The following MUC3A variants were observed in gnomAD, a reference collection of about 807,000 sequenced individuals.
MUC3A encodes mucin 3A, cell surface associated.
A neutral mutation model predicts 109.0 loss-of-function variants in MUC3A; 109 were observed. The observed-to-expected ratio is 1.00, with a 90% CI of 0.86 to 1.17. The LOEUF (loss-of-function observed/expected upper bound fraction) is 1.17, where lower values mean the gene tolerates loss of function less well. Ranked by LOEUF, MUC3A falls within the 50% of genes most tolerant of loss-of-function variation. The pLI is 0.00. For synonymous variants in MUC3A, 1,398 were observed against 981.4 expected (o/e 1.42, Z -7.93); for missense variants, 3,537 against 2,469.4 (o/e 1.43, Z -9.16).
At chr7:100,964,218 C>T (rs1449730633) in intron 5 of MUC3A, 7 of 218,054 alleles carry the variant, frequency 3.2e-5, no homozygotes, top group Non-Finnish European at 5.5e-5. Context: ...GGGTGGATCA[C>T]CTGAAAGCAG....
At position 100,954,286 on chromosome 7, in the gene MUC3A, C is replaced by T. The variant is rs977795633; in HGVS notation, c.2507C>T (p.Ser836Leu). ...CCCTCATCCGTGGGCATCAGTGGTT[C>T]ATTACCTATGATGACAGACCTCACC... ...ITPSSVGISG[S>L]LPMMTDLTSV... Residue 836 changes from serine (S) to leucine (L), a missense_variant, in exon 2 of 12, where the codon TCA (serine) becomes TTA (leucine). Ser to Leu is a moderately radical substitution (Grantham distance 145). Transcript: ENST00000379458. The T allele has an allele frequency of 2.4e-6, 1 of 424,516 alleles. No individual in the cohort carries two copies. Among genetic ancestry groups the T allele is most frequent in the Admixed American group, 4.3e-5 (1 of 23,278 alleles). The allele number at this position is 424,516 out of a possible 1,614,324, so 26.3% of individuals were successfully genotyped here.
rs2116184137 is a variant in MUC3A, at chr7:100,958,102, C to G, written c.6323C>G (p.Pro2108Arg). 5 of 1,405,830 alleles carry G rather than the reference C, an allele frequency of 3.6e-6. No homozygotes were observed. The highest frequency in any genetic ancestry group is 5.0e-6 in the Non-Finnish European group (5 of 1,009,140). The allele number at this position is 1,405,830 out of a possible 1,614,324, so 87.1% of individuals were successfully genotyped here. The change falls in exon 2 of 12, where the codon CCC (proline) becomes CGC (arginine). Residue 2108 changes from proline (P) to arginine (R), a missense_variant. Pro to Arg is a moderately radical substitution (Grantham distance 103, BLOSUM62 -2). Coordinates refer to ENST00000379458, the MANE Select transcript of MUC3A (RefSeq NM_005960.2). The stretch of plus-strand genomic sequence containing the variant: ...ACTGAGACCACCTCACACAGTACTC[C>G]CAGCTTCACTTCCTCAATCACCACC... Reference protein sequence around the residue: ...TTTETTSHSTPSFTSSITTSE... With the variant: ...TTTETTSHSTRSFTSSITTSE...
Position 100,951,866 on chromosome 7 carries a change from C to G in MUC3A, c.87C>G (p.Ile29Met), listed in dbSNP as rs759137134. ...GAACTTTATCCACGGCCACATCCATCTCTCAAGTGCCTTTCCCCAGAGCAG... is the reference window on the plus strand; with the variant it reads ...GAACTTTATCCACGGCCACATCCATGTCTCAAGTGCCTTTCCCCAGAGCAG... ...ATGTLSTATS[I>M]SQVPFPRAEA... Residue 29 changes from isoleucine to methionine, a missense_variant, in exon 2 of 12, where the codon ATC becomes ATG. Transcript: ENST00000379458. 1 of 1,597,782 alleles carries G rather than the reference C, an allele frequency of 6.3e-7. No individual in the cohort carries two copies. The highest frequency in any genetic ancestry group is 8.5e-7 in the Non-Finnish European group (1 of 1,178,978).
rs201915514 is a variant in MUC3A at position 100,952,662 on chromosome 7, T to C, written c.883T>C (p.Ser295Pro). 2 of 1,598,456 alleles carry C rather than the reference T, an allele frequency of 1.3e-6. No individual in the cohort carries two copies. The highest frequency in any genetic ancestry group is 1.7e-6 in the Non-Finnish European group (2 of 1,179,816). Reference protein sequence around the residue: ...LSSPTRTILSSTPVLSTETIT... With the variant: ...LSSPTRTILSPTPVLSTETIT... ...ATCACCCACTAGGACCATTTTATCT[T>C]CCACACCTGTCCTGAGCACAGAAAC... Residue 295 changes from serine (S) to proline (P), a missense_variant, in exon 2 of 12, where the codon TCC (serine) becomes CCC (proline). Ser to Pro is a moderately conservative substitution (Grantham distance 74, BLOSUM62 -1). Coordinates refer to ENST00000379458, the MANE Select transcript of MUC3A (RefSeq NM_005960.2).
rs1469648235 is a variant in MUC3A at position 100,957,619 on chromosome 7, A to T, written c.5840A>T (p.Asn1947Ile). 8.6e-5 allele frequency: 90 copies of T among 1,046,090 alleles called. No homozygotes were observed. The South Asian group carries it at 1.1e-3, about 13-fold the overall frequency. 64.8% of individuals were successfully genotyped at this position (1,046,090 alleles called of 1,614,324 possible). A position where few individuals can be genotyped will look rare whatever the true frequency, so the allele number is the denominator to read the frequency against. The change falls in exon 2 of 12, where the codon AAT becomes ATT. Residue 1947 changes from asparagine to isoleucine, a missense_variant. By Grantham distance (149) the Asn-to-Ile change is moderately radical. Transcript: ENST00000379458. ...STPRFTSSIT[N>I]TKTTSHSSPS... ...CCCAGATTCACTTCTTCAATCACCA[A>T]TACCAAGACCACCTCACACAGCTCT...
At chr7:100,961,888 G>T (rs11768688) in intron 3 of MUC3A, among the ~76,000 whole-genome samples, 22,284 of 145,828 alleles carry the variant, frequency 0.15, 50 homozygotes, top group Non-Finnish European at 0.22. Flanking sequence ...AGGGAGTATC[G>T]CTTGAGGCGA....
At chr7:100,965,584 C>G (rs1214370690) in intron 7 of MUC3A, 120 bp from the exon 8 acceptor site, 11 of 1,499,650 alleles carry the variant, frequency 7.3e-6, no homozygotes, top group Non-Finnish European at 9.8e-6. Context: ...GGGTCTACCC[C>G]ACAGCATCCC....
rs1792435834 is a variant in MUC3A, at chr7:100,964,059, A to C, written c.9233+307A>C. 2.9e-4 allele frequency: 164 copies of C among 568,022 alleles called. No homozygotes were observed. The South Asian group carries it at 3.3e-3, about 11-fold the overall frequency. 35.2% of individuals were successfully genotyped at this position (568,022 alleles called of 1,614,324 possible). ...CCCCTGCTCTACTGAGTGGGTCAGC[A>C]TTAGAAAGAGAGAGAGAGAAAGAGA... On this transcript the variant is annotated intron_variant, in intron 5 of 11. Coordinates refer to ENST00000379458, the MANE Select transcript of MUC3A (RefSeq NM_005960.2).
At chr7:100,963,951 T>C (rs1341645497) in intron 5 of MUC3A, 199 bp downstream of exon 5, 3 of 710,404 alleles carry the variant, frequency 4.2e-6, no homozygotes, top group East Asian at 2.7e-5. Flanking sequence ...ACCTCTCTTC[T>C]TCAGCACACT....
intron 1 of MUC3A, among the ~76,000 whole-genome samples, chr7:100,950,193 A>G (rs897656485): frequency 6.6e-6 from 1 of 152,226 alleles, no homozygotes; most frequent in Non-Finnish European, 1.5e-5. Context: ...GCTCCTCCCC[A>G]GCTCTGCCGT....
At chr7:100,965,452 G>C (rs1463697110) in intron 7 of MUC3A, 105 bp downstream of exon 7, 14 of 1,522,660 alleles carry the variant, frequency 9.2e-6, no homozygotes, top group Non-Finnish European at 1.2e-5. Context: ...CTTTGGGGGA[G>C]GCAAGTCATG....
Position 100,960,788 on chromosome 7 carries a change from A to G in MUC3A, c.8903A>G (p.Gln2968Arg). The change falls in exon 3 of 12, where the codon CAG (glutamine) becomes CGG (arginine). Residue 2968 changes from glutamine to arginine, a missense_variant. Physicochemically the swap from Gln to Arg is conservative, Grantham distance 43. Transcript: ENST00000379458. ...AATGGTGGCACCTGGGAACAGGGCC[A>G]GTGTGCTTGCCTTCCGGGGTTTTCT... Reference protein sequence around the residue: ...CDNGGTWEQGQCACLPGFSGD... With the variant: ...CDNGGTWEQGRCACLPGFSGD... 6.3e-7 allele frequency: 1 copy of G among 1,598,508 alleles called. No individual in the cohort carries two copies. Among genetic ancestry groups the G allele is most frequent in the Non-Finnish European group, 8.5e-7 (1 of 1,179,804 alleles).
intron 7 of MUC3A, 107 bp downstream of exon 7, chr7:100,965,454 C>G (rs1183056084): frequency 2.0e-6 from 3 of 1,520,238 alleles, no homozygotes; most frequent in African/African-American, 2.7e-5. Context: ...TTGGGGGAGG[C>G]AAGTCATGTG....
Position 100,952,044 on chromosome 7 carries a change from G to A in MUC3A, c.265G>A (p.Glu89Lys). The change falls in exon 2 of 12, where the codon GAA (glutamate) becomes AAA (lysine). Residue 89 changes from glutamate (E) to lysine (K), a missense_variant. Coordinates refer to ENST00000379458, the MANE Select transcript of MUC3A (RefSeq NM_005960.2). ...TTSPHDTLIS[E>K]TLLNSPVSSN... The stretch of plus-strand genomic sequence containing the variant: ...CTCCCCCCATGACACACTCATCTCT[G>A]AAACATTGCTCAACTCTCCAGTCAG... The A allele has an allele frequency of 6.3e-7, 1 of 1,598,682 alleles. No individual in the cohort carries two copies.
intron 6 of MUC3A, 122 bp downstream of exon 6, chr7:100,964,965 G>T (rs6961053): frequency 2.9e-5 from 41 of 1,424,786 alleles, no homozygotes; most frequent in African/African-American, 1.0e-4. Flanking sequence ...GTTGGGAGAA[G>T]GGGAATAAGT....
intron 4 of MUC3A, 90 bp from the exon 5 acceptor site, chr7:100,963,598 G>C: frequency 6.3e-7 from 1 of 1,586,764 alleles, no homozygotes; most frequent in Non-Finnish European, 8.5e-7. Context: ...GAGGGGAATT[G>C]AAGGGTCTTC....
Position 100,957,272 on chromosome 7 carries a change from C to A in MUC3A, c.5493C>A (p.Thr1831=). ...TLVTTFSNSD[T]SSTPTSETTY... Reference sequence around the variant, plus strand: ...TGACCACATTCTCCAATTCCGACACCAGTTCTACACCTACATCTGAGACCA... The same window carrying A: ...TGACCACATTCTCCAATTCCGACACAAGTTCTACACCTACATCTGAGACCA... The change falls in exon 2 of 12, where the codon ACC becomes ACA. Residue 1831 remains threonine, a synonymous_variant. Coordinates refer to ENST00000379458, the MANE Select transcript of MUC3A (RefSeq NM_005960.2). 2 of 526,574 alleles carry A rather than the reference C, an allele frequency of 3.8e-6. No homozygotes were observed. The highest frequency in any genetic ancestry group is 3.3e-6 in the Non-Finnish European group (1 of 301,798). 32.6% of individuals were successfully genotyped at this position (526,574 alleles called of 1,614,324 possible).
At position 100,959,999 on chromosome 7, in the gene MUC3A, C is replaced by T; in HGVS notation, c.8220C>T (p.Ser2740=). ...FPSLSSSATT[S]TSSTSSSLTT... ...GTCTCTCTTCCTCTGCAACTACCAGCACTTCTTCAACCAGCTCCTCTCTGA... is the reference window on the plus strand; with the variant it reads ...GTCTCTCTTCCTCTGCAACTACCAGTACTTCTTCAACCAGCTCCTCTCTGA... Residue 2740 remains serine (S), a synonymous_variant, in exon 2 of 12, where the codon AGC becomes AGT. Transcript: ENST00000379458. 12 of 1,506,764 alleles carry T rather than the reference C, an allele frequency of 8.0e-6. No homozygotes were observed. The highest frequency in any genetic ancestry group is 9.7e-6 in the Non-Finnish European group (11 of 1,139,140). 93.3% of individuals were successfully genotyped at this position (1,506,764 alleles called of 1,614,324 possible). A position where few individuals can be genotyped will look rare whatever the true frequency, so the allele number is the denominator to read the frequency against.
intron 7 of MUC3A, 168 bp downstream of exon 7, chr7:100,965,515 G>T (rs1792502152): frequency 7.0e-7 from 1 of 1,420,270 alleles, no homozygotes; most frequent in Admixed American, 2.1e-5. Flanking sequence ...CCTGAGGACA[G>T]CAGGGGCCAC....
Sources: allele counts gnomAD v4.1 joint callset (sites outside exome capture counted in the v4.1 genomes callset), GRCh38; gene constraint gnomAD v4.1.1; transcripts MANE v1.5; gene names NCBI Gene and HGNC (gene_info 2026-07-23, HGNC 2026-07-21).